GALNT9: variants seen among roughly 807,000 people sequenced by gnomAD.
The protein encoded by GALNT9 is polypeptide N-acetylgalactosaminyltransferase 9.
GALNT9 carries 47 observed loss-of-function variants against 63.1 expected under a neutral mutation model. That is an observed-to-expected ratio of 0.75 (90% CI 0.59 to 0.95). The LOEUF is 0.95. GALNT9 is among the 40% of genes least tolerant of loss of function. The pLI is 0.00. For missense variants in GALNT9, 829 were observed against 874.8 expected, an observed-to-expected ratio of 0.95 and a Z score of 0.66; for synonymous variants, 396 against 365.7, an observed-to-expected ratio of 1.08 and a Z score of -0.94.
At chr12:132,200,037 TGAG>T (rs1875895491) in intron 8 of GALNT9, among the ~76,000 whole-genome samples, 1 of 151,918 alleles carries the variant, frequency 6.6e-6, no homozygotes, top group Non-Finnish European at 1.5e-5. Context: ...CTTGGCTAAT[TGAG>T]GATGGAGTGG....
intron 8 of GALNT9, among the ~76,000 whole-genome samples, chr12:132,200,117 G>A (rs1875910574): frequency 6.6e-6 from 1 of 152,232 alleles, no homozygotes; most frequent in South Asian, 2.1e-4. Context: ...AGCACTGCCT[G>A]GGAAACCTCT....
intron 5 of GALNT9, among the ~76,000 whole-genome samples, chr12:132,255,721 C>T (rs1879081891): frequency 6.6e-6 from 1 of 152,258 alleles, no homozygotes; most frequent in Non-Finnish European, 1.5e-5. Flanking sequence ...AACCAGTGCA[C>T]ACCTGACATG....
intron 1 of GALNT9, among the ~76,000 whole-genome samples, chr12:132,309,078 G>A (rs28616728): frequency 0.055 from 8,363 of 152,254 alleles, 729 homozygotes; most frequent in African/African-American, 0.18. Context: ...GGCAGAACCC[G>A]GCCCCACCCA....
chr12:132,283,065 C>T (rs1225147918), intron 2 of GALNT9: 1 of 152,286 alleles, frequency 6.6e-6, no homozygotes, highest in Non-Finnish European at 1.5e-5. Flanking sequence ...GCTTCACCCC[C>T]AGCTCGGGTT....
intron 1 of GALNT9, among the ~76,000 whole-genome samples, chr12:132,303,625 G>A (rs1455564194): frequency 7.3e-5 from 5 of 68,186 alleles, no homozygotes; most frequent in Admixed American, 2.9e-4. Context: ...CCTCACCCGG[G>A]CACAGAATCG....
chr12:132,262,342 G>T (rs539223978), intron 3 of GALNT9, 117 bp downstream of exon 3: 22 of 1,342,512 alleles, frequency 1.6e-5, no homozygotes, highest in Non-Finnish European at 2.2e-5. Flanking sequence ...GAGCCCCTGC[G>T]GACAGATGGG....
intron 5 of GALNT9, among the ~76,000 whole-genome samples, chr12:132,250,391 C>T (rs990817038): frequency 1.3e-5 from 2 of 152,152 alleles, no homozygotes; most frequent in Non-Finnish European, 2.9e-5. Context: ...CTGTGATGGT[C>T]GAAACACCGC....
intron 1 of GALNT9, among the ~76,000 whole-genome samples, chr12:132,305,242 C>A (rs1225449655): frequency 1.8e-5 from 1 of 55,744 alleles, no homozygotes; most frequent in East Asian, 9.3e-4. Context: ...CTCACCCGGG[C>A]ACAGAATCGC....
intron 5 of GALNT9, among the ~76,000 whole-genome samples, chr12:132,250,765 C>T (rs564970820): frequency 1.6e-4 from 24 of 152,012 alleles, no homozygotes; most frequent in East Asian, 1.6e-3. Flanking sequence ...CACTCCAGCC[C>T]GGGTGACAGA....
chr12:132,301,918 C>T (rs182946716), intron 1 of GALNT9, among the ~76,000 whole-genome samples: 211 of 152,342 alleles, frequency 1.4e-3, no homozygotes, highest in Middle Eastern at 0.01. Flanking sequence ...CAATTGCAGT[C>T]GTAGCAATGA....
At chr12:132,225,769 C>A (rs986301217) in intron 6 of GALNT9, among the ~76,000 whole-genome samples, 1 of 134,992 alleles carries the variant, frequency 7.4e-6, no homozygotes, top group South Asian at 2.4e-4. Context: ...ACACTACACA[C>A]GCTGTATACA....
Position 132,270,065 on chromosome 12 carries a change from A to G in GALNT9, c.420-7440T>C, listed in dbSNP as rs575064299. Among the ~76,000 whole-genome samples the G allele has an allele frequency of 7.2e-5, 11 of 152,374 alleles. No individual in the cohort carries two copies. The South Asian group carries it at 2.3e-3, about 32-fold the overall frequency. On this transcript the variant is annotated intron_variant, in intron 2 of 10. Coordinates refer to ENST00000328957, the MANE Select transcript of GALNT9 (RefSeq NM_001122636.2). ...CTCCTGAGACTGCTCTTGTTTAGTTATTCCAACAAGAACAAGTCCCATTTA... is the reference window on the plus strand; with the variant it reads ...CTCCTGAGACTGCTCTTGTTTAGTTGTTCCAACAAGAACAAGTCCCATTTA...
chr12:132,288,245 G>GC (rs1555242379), intron 1 of GALNT9, among the ~76,000 whole-genome samples: 3 of 152,206 alleles, frequency 2.0e-5, no homozygotes, highest in Non-Finnish European at 4.4e-5. Context: ...CCTCAGCAGA[G>GC]CCGAGGCTTT....
At chr12:132,199,903 T>TGCA (rs1203465851) in intron 8 of GALNT9, among the ~76,000 whole-genome samples, 2 of 152,142 alleles carry the variant, frequency 1.3e-5, no homozygotes, top group Admixed American at 1.3e-4. Context: ...CTGCTGGGTT[T>TGCA]GCAGCAGCAG....
intron 6 of GALNT9, among the ~76,000 whole-genome samples, chr12:132,223,192 C>T (rs1877541197): frequency 8.0e-6 from 1 of 125,730 alleles, no homozygotes; most frequent in Non-Finnish European, 1.7e-5. Context: ...ACAACCCACA[C>T]CCCACATACA....
At chr12:132,318,406 G>T (rs782503576) in intron 1 of GALNT9, among the ~76,000 whole-genome samples, 1 of 152,170 alleles carries the variant, frequency 6.6e-6, no homozygotes, top group Admixed American at 6.5e-5. Flanking sequence ...CAGAGCTGGG[G>T]CCCTAAGAGC....
chr12:132,229,103 C>T (rs891391203), intron 6 of GALNT9, among the ~76,000 whole-genome samples: 1,549 of 152,306 alleles, frequency 0.01, 25 homozygotes, highest in African/African-American at 0.035. Flanking sequence ...CCCCTGGACA[C>T]GTACCAGTCT....
Position 132,203,795 on chromosome 12 carries a change from G to A in GALNT9, c.1078-105C>T, listed in dbSNP as rs1555233912. 5 of 1,262,450 alleles carry A rather than the reference G, an allele frequency of 4.0e-6. No homozygotes were observed. The Admixed American group carries it at 7.3e-5, about 18-fold the overall frequency. 78.2% of individuals were successfully genotyped at this position (1,262,450 alleles called of 1,614,324 possible). On this transcript the variant is annotated intron_variant, in intron 6 of 10. Transcript: ENST00000328957. ...CCAAGGGGCCCGGCCCTCTGTTCCT[G>A]GGGCACCCCCACCACCGACGGGCCT...
intron 9 of GALNT9, 73 bp from the exon 10 acceptor site, chr12:132,198,032 CGAGCTGCCTT>C (rs1169840105): frequency 8.4e-6 from 11 of 1,302,948 alleles, no homozygotes; most frequent in African/African-American, 1.5e-5. Flanking sequence ...ACAGGCCGTG[CGAGCTGCCTT>C]GAGCTGCAAA....
Sources: allele counts gnomAD v4.1 joint callset (sites outside exome capture counted in the v4.1 genomes callset), GRCh38; gene constraint gnomAD v4.1.1; transcripts MANE v1.5; gene names NCBI Gene and HGNC (gene_info 2026-07-23, HGNC 2026-07-21).